The following CCM2 variants were observed in gnomAD, a reference collection of about 807,000 sequenced individuals.
The protein encoded by CCM2 is cerebral cavernous malformations 2 protein.
A neutral mutation model predicts 44.9 loss-of-function variants in CCM2; 25 were observed. The observed-to-expected ratio is 0.56, with a 90% CI of 0.41 to 0.78. CCM2 has a LOEUF of 0.78. CCM2 is among the 30% of genes least tolerant of loss of function. CCM2 has a pLI of 0.00. For synonymous variants in CCM2, 219 were observed against 241.1 expected (o/e 0.91, Z 0.85); for missense variants, 481 against 580.6 (o/e 0.83, Z 1.76).
chr7:45,073,435 G>A (rs764485756), intron 7 of CCM2, 25 bp from the exon 8 acceptor site: 104 of 1,574,222 alleles, frequency 6.6e-5, no homozygotes, highest in Non-Finnish European at 7.9e-5. Flanking sequence ...GAAGCCACCC[G>A]CTCACATACC....
At chr7:45,060,632 TC>T (rs556979652) in intron 2 of CCM2, among the ~76,000 whole-genome samples, 82 of 152,348 alleles carry the variant, frequency 5.4e-4, no homozygotes, top group African/African-American at 1.9e-3. Flanking sequence ...TTTCTTTCGT[TC>T]TTTTTTCCCT....
chr7:45,064,413 GC>G, intron 3 of CCM2, 49 bp from the exon 4 acceptor site: 2 of 1,586,808 alleles, frequency 1.3e-6, no homozygotes, highest in Non-Finnish European at 1.7e-6. Context: ...AGCGCCCCAT[GC>G]CGGTTGACAG....
chr7:45,012,628 T>C (rs1796112392), intron 1 of CCM2, among the ~76,000 whole-genome samples: 1 of 152,030 alleles, frequency 6.6e-6, no homozygotes, highest in South Asian at 2.1e-4. Flanking sequence ...TGATCATAAC[T>C]CACTGCAGCC....
At chr7:45,049,024 T>C (rs28489420) in intron 2 of CCM2, among the ~76,000 whole-genome samples, 20,258 of 152,238 alleles carry the variant, frequency 0.13, 1,640 homozygotes, top group Middle Eastern at 0.23. Flanking sequence ...GACACAGTCA[T>C]GACTCACTGC....
intron 2 of CCM2, among the ~76,000 whole-genome samples, chr7:45,044,612 G>C (rs1583917895): frequency 1.3e-5 from 2 of 152,272 alleles, no homozygotes; most frequent in Admixed American, 1.3e-4. Context: ...AGCCCAATTT[G>C]ACTGGGCTGT....
chr7:45,064,476 T>C lies in CCM2; in HGVS notation c.302T>C (p.Leu101Pro). 6.2e-7 allele frequency: 1 copy of C among 1,613,350 alleles called. No homozygotes were observed. Among genetic ancestry groups the C allele is most frequent in the Non-Finnish European group, 8.5e-7 (1 of 1,179,866 alleles). The change falls in exon 4 of 10, where the codon CTT (leucine) becomes CCT (proline). Residue 101 changes from leucine to proline, a missense_variant. By Grantham distance (98) the Leu-to-Pro change is moderately conservative. Coordinates refer to ENST00000258781, the MANE Select transcript of CCM2 (RefSeq NM_031443.4). ...GGTTCCTTCCAGAGAGCCCACCAGC[T>C]TCCGGGACACTTGACTCAGGAGCAC... The part of the protein sequence containing the change: ...FIDNAKRAHQ[L>P]PGHLTQEHDA...
At chr7:45,005,961 A>T (rs563964817) in intron 1 of CCM2, among the ~76,000 whole-genome samples, 1 of 152,308 alleles carries the variant, frequency 6.6e-6, no homozygotes, top group African/African-American at 2.4e-5. Flanking sequence ...GGTGTTCCAC[A>T]TCATGCATTC....
intron 2 of CCM2, among the ~76,000 whole-genome samples, chr7:45,058,900 ATT>A (rs71565945): frequency 5.6e-5 from 8 of 142,524 alleles, no homozygotes; most frequent in African/African-American, 2.6e-5. Flanking sequence ...CGCCCAGCTA[ATT>A]TTTTTTTTTT....
rs1583901569 is a variant in CCM2, at chr7:45,038,220, A to G, written c.31-33A>G. The G allele has an allele frequency of 1.9e-6, 3 of 1,612,616 alleles. No homozygotes were observed. The South Asian group carries it at 3.3e-5, about 18-fold the overall frequency. On this transcript the variant is annotated intron_variant, in intron 1 of 9. Transcript: ENST00000258781. ...GTACAACACAAAGCATTTGTAAATA[A>G]TGAACTCCAATCATTGCCGTTTCTG... is the stretch of plus-strand genomic sequence containing the variant.
chr7:45,045,988 A>G (rs561994290), intron 2 of CCM2, among the ~76,000 whole-genome samples: 47 of 152,244 alleles, frequency 3.1e-4, no homozygotes, highest in Middle Eastern at 6.3e-3. Context: ...AAAGATCTGA[A>G]TAAGTGGAGA....
intron 1 of CCM2, among the ~76,000 whole-genome samples, chr7:45,029,675 A>G (rs1452394176): frequency 6.6e-6 from 1 of 152,224 alleles, no homozygotes; most frequent in African/African-American, 2.4e-5. Context: ...CAGTTACTCC[A>G]GATCCTGTTC....
At chr7:45,031,264 C>T (rs1347235584) in intron 1 of CCM2, among the ~76,000 whole-genome samples, 1 of 151,234 alleles carries the variant, frequency 6.6e-6, no homozygotes, top group Non-Finnish European at 1.5e-5. Context: ...CACCTGTAAT[C>T]CCAGATACTC....
intron 7 of CCM2, chr7:45,073,208 G>C (rs976553533): frequency 8.1e-5 from 48 of 589,574 alleles, no homozygotes; most frequent in Non-Finnish European, 1.1e-4. Context: ...GCTGCCCACT[G>C]CCTTGACCTG....
At chr7:45,008,962 C>T (rs758399211) in intron 1 of CCM2, among the ~76,000 whole-genome samples, 6 of 152,036 alleles carry the variant, frequency 3.9e-5, no homozygotes, top group African/African-American at 4.8e-5. Context: ...GTGCAGCCTC[C>T]GTGTTTGCTT....
intron 1 of CCM2, among the ~76,000 whole-genome samples, chr7:45,011,234 T>C (rs1796055017): frequency 6.6e-6 from 1 of 151,876 alleles, no homozygotes. Context: ...CTCACTCTTG[T>C]TGCCCAGGTT....
chr7:45,069,788 A>G (rs1798964496), intron 5 of CCM2, 38 bp from the exon 6 acceptor site: 1 of 1,613,206 alleles, frequency 6.2e-7, no homozygotes, highest in Non-Finnish European at 8.5e-7. Flanking sequence ...CGCAGTCTCC[A>G]GCCAGACTGA....
At chr7:45,025,692 G>A (rs1310384118) in intron 1 of CCM2, among the ~76,000 whole-genome samples, 6 of 152,050 alleles carry the variant, frequency 3.9e-5, no homozygotes, top group Non-Finnish European at 7.4e-5. Context: ...GCGCCATCAC[G>A]CCCAGCTAAT....
intron 1 of CCM2, among the ~76,000 whole-genome samples, chr7:45,010,796 C>T (rs996103197): frequency 1.3e-5 from 2 of 151,992 alleles, no homozygotes; most frequent in African/African-American, 4.8e-5. Flanking sequence ...TGGGGTTTCA[C>T]CATGTTGGCC....
intron 4 of CCM2, chr7:45,068,187 A>G (rs1022831819): frequency 2.7e-5 from 15 of 558,444 alleles, no homozygotes; most frequent in African/African-American, 2.6e-4. Context: ...TCTGTTGTAT[A>G]TGAACTTGAA....
Sources: allele counts gnomAD v4.1 joint callset (sites outside exome capture counted in the v4.1 genomes callset), GRCh38; gene constraint gnomAD v4.1.1; transcripts MANE v1.5; gene names NCBI Gene and HGNC (gene_info 2026-07-23, HGNC 2026-07-21).